The following LMNTD2 variants were observed in gnomAD, a reference collection of about 807,000 sequenced individuals.
LMNTD2 encodes the protein lamin tail domain-containing protein 2.
In LMNTD2, 83 loss-of-function variants were observed where a neutral mutation model predicts 70.1. The observed-to-expected ratio is 1.18, with a 90% CI of 0.99 to 1.42. The LOEUF (loss-of-function observed/expected upper bound fraction) is 1.42. Ranked by LOEUF, LMNTD2 falls within the 40% of genes most tolerant of loss-of-function variation. The pLI is 0.00. For synonymous variants in LMNTD2, 534 were observed against 406.1 expected, an observed-to-expected ratio of 1.31 and a Z score of -3.79; for missense variants, 1,153 against 905.9, an observed-to-expected ratio of 1.27 and a Z score of -3.50.
At position 556,240 on chromosome 11, in the gene LMNTD2, C is replaced by G. The variant is rs1392820703; in HGVS notation, c.1209G>C (p.Leu403=). The G allele has an allele frequency of 3.1e-5, 48 of 1,527,478 alleles. No individual in the cohort carries two copies. Among genetic ancestry groups the G allele is most frequent in the Non-Finnish European group, 4.1e-5 (47 of 1,143,300 alleles). 94.6% of individuals were successfully genotyped at this position (1,527,478 alleles called of 1,614,324 possible). Residue 403 remains leucine, a synonymous_variant, in exon 10 of 14, where the codon CTG becomes CTC. Coordinates refer to ENST00000329451, the MANE Select transcript of LMNTD2 (RefSeq NM_173573.3). ...KQLVRGFPER[L]YRFPPGTLLA... ...GCAGCGTGCCCGGCGGGAAGCGGTA[C>G]AGGCGCTCCGGGAAGCCGCGCACCA...
At chr11:555,624 C>T (rs1364009969) in intron 12 of LMNTD2, 110 bp downstream of exon 12, 2 of 1,264,416 alleles carry the variant, frequency 1.6e-6, no homozygotes, top group Admixed American at 4.2e-5. Flanking sequence ...GCGGCCGGGG[C>T]GGGGCCTGGG....
rs1482584393 is a variant in LMNTD2 at position 555,737 on chromosome 11, G to A, written c.1571C>T (p.Pro524Leu). 1.4e-6 allele frequency: 2 copies of A among 1,402,848 alleles called. No homozygotes were observed. Among genetic ancestry groups the A allele is most frequent in the Non-Finnish European group, 1.8e-6 (2 of 1,090,400 alleles). The allele number at this position is 1,402,848 out of a possible 1,614,324, so 86.9% of individuals were successfully genotyped here. The change falls in exon 12 of 14, where the codon CCA becomes CTA. Residue 524 changes from proline to leucine, a missense_variant. Physicochemically the swap from Pro to Leu is moderately conservative, Grantham distance 98. Coordinates refer to ENST00000329451, the MANE Select transcript of LMNTD2 (RefSeq NM_173573.3). ...VREPRVSRRR[P>L]GTRGLLPPVS... ...CCCGGGGACCCGCGGTCCCCACCCT[G>A]GTCTCCGGCGACTGACCCGGGGCTC...
chr11:555,128 C>T lies in LMNTD2; in HGVS notation c.1774-17G>A. The stretch of plus-strand genomic sequence containing the variant: ...CCGGCACACCTGGGGGGCGCGGGGG[C>T]TGAGAGGCGCGCGGGGCGGGGCGGG... On this transcript the variant is annotated splice_polypyrimidine_tract_variant and intron_variant, in intron 13 of 13. Coordinates refer to ENST00000329451, the MANE Select transcript of LMNTD2 (RefSeq NM_173573.3). 9.0e-7 allele frequency: 1 copy of T among 1,116,236 alleles called. No homozygotes were observed. The highest frequency in any genetic ancestry group is 1.1e-6 in the Non-Finnish European group (1 of 880,758). 69.1% of individuals were successfully genotyped at this position (1,116,236 alleles called of 1,614,324 possible). A position where few individuals can be genotyped will look rare whatever the true frequency, so the allele number is the denominator to read the frequency against.
intron 1 of LMNTD2, chr11:560,114 A>G (rs897383002): frequency 1.1e-5 from 2 of 176,118 alleles, no homozygotes; most frequent in Non-Finnish European, 2.2e-5. Flanking sequence ...TCCAGCTTTC[A>G]CCCTTCATCT....
chr11:559,300 T>C (rs749908636), intron 1 of LMNTD2: 4 of 1,248,454 alleles, frequency 3.2e-6, no homozygotes, highest in East Asian at 3.6e-5. Context: ...GTGTCCCTCT[T>C]TCTCTCTCTT....
Position 554,875 on chromosome 11 carries a change from T to C in LMNTD2, c.*105A>G. On this transcript the variant is annotated 3_prime_UTR_variant, in exon 14 of 14. Transcript: ENST00000329451. ...TCAGGTGTACAGAAATGCGGTTTACTTTGTAGGCCACGTTGGTTCAATAAA... is the reference window on the plus strand; with the variant it reads ...TCAGGTGTACAGAAATGCGGTTTACCTTGTAGGCCACGTTGGTTCAATAAA... 1.2e-6 allele frequency: 1 copy of C among 806,812 alleles called. No homozygotes were observed. 50.0% of individuals were successfully genotyped at this position (806,812 alleles called of 1,614,324 possible). A position where few individuals can be genotyped will look rare whatever the true frequency, so the allele number is the denominator to read the frequency against.
chr11:557,573 T>C lies in LMNTD2; in HGVS notation c.623A>G (p.Glu208Gly). Residue 208 changes from glutamate (E) to glycine (G), a missense_variant and splice_region_variant, in exon 6 of 14, where the codon GAG becomes GGG. Coordinates refer to ENST00000329451, the MANE Select transcript of LMNTD2 (RefSeq NM_173573.3). ...LSENIQAPTG[E>G]GFRLEDVDWN... ...ACACACGTGGGAGGCCTAGCTCACC[T>C]CCCCGGTGGGGGCCTGAATGTTTTC... 1 of 1,613,316 alleles carries C rather than the reference T, an allele frequency of 6.2e-7. No homozygotes were observed. The highest frequency in any genetic ancestry group is 8.5e-7 in the Non-Finnish European group (1 of 1,179,846).
At position 557,728 on chromosome 11, in the gene LMNTD2, C is replaced by T. The variant is rs1223923196; in HGVS notation, c.556-88G>A. ...CTTTGACCTCACCTGTGCTTTGAGG[C>T]CTCCTGATTCCTCCCTGCTGGAGCC... On this transcript the variant is annotated intron_variant, in intron 5 of 13. Transcript: ENST00000329451. 21 of 1,593,886 alleles carry T rather than the reference C, an allele frequency of 1.3e-5. No individual in the cohort carries two copies. The Admixed American group carries it at 1.7e-4, about 13-fold the overall frequency.
intron 1 of LMNTD2, 146 bp downstream of exon 1, chr11:560,537 G>A (rs1853209185): frequency 1.6e-6 from 2 of 1,278,970 alleles, no homozygotes; most frequent in Middle Eastern, 2.9e-4. Flanking sequence ...GGCTGGCCCG[G>A]GAAGCGAGGG....
Position 556,940 on chromosome 11 carries a change from CCGGCCGGCAG to C in LMNTD2, c.861_870del (p.Ser287ArgfsTer9). 6.2e-7 allele frequency: 1 copy of C among 1,600,756 alleles called. No homozygotes were observed. The highest frequency in any genetic ancestry group is 1.1e-5 in the South Asian group (1 of 90,136). ...ATCACCTGCACGAAGGAAGGCAGGC[CCGGCCGGCAG>C]CTGCTGGAGTCGGAGTCAGCGCCCC... On this transcript the variant is annotated frameshift_variant, in exon 8 of 14. Coordinates refer to ENST00000329451, the MANE Select transcript of LMNTD2 (RefSeq NM_173573.3). LOFTEE classifies it high-confidence loss of function.
intron 7 of LMNTD2, 66 bp downstream of exon 7, chr11:557,333 C>A: frequency 6.6e-7 from 1 of 1,514,018 alleles, no homozygotes; most frequent in Non-Finnish European, 9.0e-7. Flanking sequence ...TAGTGTCCTG[C>A]GTCTTCACTT....
chr11:559,469 GC>G lies in LMNTD2; in HGVS notation c.35-491del, dbSNP rs1853143314. 3 of 1,301,270 alleles carry G rather than the reference GC, an allele frequency of 2.3e-6. No homozygotes were observed. The Admixed American group carries it at 6.9e-5, about 30-fold the overall frequency. The allele number at this position is 1,301,270 out of a possible 1,614,324, so 80.6% of individuals were successfully genotyped here. On this transcript the variant is annotated intron_variant, in intron 1 of 13. Coordinates refer to ENST00000329451, the MANE Select transcript of LMNTD2 (RefSeq NM_173573.3). ...AGCCTCCAGGGAGACCCCAGACCAGGCCCCTAGGTGAGTTCTGGGCCAGCCC... is the reference window on the plus strand; with the variant it reads ...AGCCTCCAGGGAGACCCCAGACCAGGCCCTAGGTGAGTTCTGGGCCAGCCC...
intron 1 of LMNTD2, 157 bp from the exon 2 acceptor site, chr11:559,136 CCACTTACT>C (rs926808874): frequency 2.9e-5 from 42 of 1,470,342 alleles, no homozygotes; most frequent in Non-Finnish European, 3.8e-5. Context: ...CCAGGCGTCA[CCACTTACT>C]CACAGAGCGT....
intron 3 of LMNTD2, 156 bp from the exon 4 acceptor site, chr11:558,404 T>G: frequency 9.3e-7 from 1 of 1,077,070 alleles, no homozygotes. Context: ...AGCCTCCGGC[T>G]GGTCTGGACA....
chr11:557,548 A>G, intron 6 of LMNTD2, 24 bp downstream of exon 6: 1 of 1,613,420 alleles, frequency 6.2e-7, no homozygotes, highest in Non-Finnish European at 8.5e-7. Flanking sequence ...ATACCAGACC[A>G]CACACGTGGG....
Sources: allele counts gnomAD v4.1 joint callset, GRCh38; gene constraint gnomAD v4.1.1; transcripts MANE v1.5; gene names NCBI Gene and HGNC (gene_info 2026-07-23, HGNC 2026-07-21).